The following METTL22 variants were observed in gnomAD, a reference collection of about 807,000 sequenced individuals.
METTL22 encodes the protein methyltransferase-like protein 22.
A neutral mutation model predicts 48.4 loss-of-function variants in METTL22; 51 were observed. The ratio of observed to expected loss-of-function variants is 1.05; its 90% confidence interval spans 0.84 to 1.33. METTL22 has a LOEUF of 1.33. Ranked by LOEUF, METTL22 falls within the 40% of genes most tolerant of loss-of-function variation. The pLI is 0.00. For synonymous variants in METTL22, 255 were observed against 214.1 expected (o/e 1.19, Z -1.67); for missense variants, 678 against 526.9 (o/e 1.29, Z -2.81).
intron 6 of METTL22, among the ~76,000 whole-genome samples, chr16:8,640,274 G>C (rs542947316): frequency 6.6e-6 from 1 of 151,964 alleles, no homozygotes; most frequent in Admixed American, 6.6e-5. Context: ...CCTGACATCC[G>C]CTGTCTGACA....
chr16:8,642,165 T>A lies in METTL22; in HGVS notation c.865T>A (p.Ser289Thr). 1 of 1,613,930 alleles carries A rather than the reference T, an allele frequency of 6.2e-7. No homozygotes were observed. The highest frequency in any genetic ancestry group is 8.5e-7 in the Non-Finnish European group (1 of 1,179,828). Residue 289 changes from serine (S) to threonine (T), a missense_variant, in exon 8 of 11, where the codon TCT becomes ACT. Transcript: ENST00000381920. Reference protein sequence around the residue: ...VPFSWSQEEISDLYDHTTILF... With the variant: ...VPFSWSQEEITDLYDHTTILF... ...CTTCAGTTGGTCACAAGAGGAAATT[T>A]CTGACTTGTACGATCACACCACCAT...
chr16:8,646,007 G>C (rs2056785472), intron 10 of METTL22, 101 bp from the exon 11 acceptor site: 1 of 1,558,622 alleles, frequency 6.4e-7, no homozygotes, highest in Non-Finnish European at 8.7e-7. Flanking sequence ...TGGCTGACGT[G>C]TTGTCTAACT....
At chr16:8,650,845 C>A (rs573829103), downstream of METTL22, among the ~76,000 whole-genome samples, 1 of 151,862 alleles carries the variant, frequency 6.6e-6, no homozygotes, top group South Asian at 2.1e-4. Context: ...GCCAACATGA[C>A]AAAACCCCGT....
chr16:8,634,927 A>C (rs910973078), intron 3 of METTL22, 112 bp from the exon 4 acceptor site: 1 of 1,415,772 alleles, frequency 7.1e-7, no homozygotes, highest in South Asian at 1.2e-5. Flanking sequence ...CCTCATTCCA[A>C]CCTCTGACGC....
At chr16:8,622,078 G>A (rs1443974400) in intron 1 of METTL22, among the ~76,000 whole-genome samples, 1 of 152,228 alleles carries the variant, frequency 6.6e-6, no homozygotes, top group Non-Finnish European at 1.5e-5. Context: ...GGTGGCGTCA[G>A]GAAGGCGACA....
rs755508048 is a variant in METTL22 at position 8,642,216 on chromosome 16, A to G, written c.907+9A>G. 3.2e-5 allele frequency: 52 copies of G among 1,608,056 alleles called. No homozygotes were observed. In the South Asian group the frequency reaches 5.5e-4, roughly 17 times the overall value. Reference sequence around the variant, plus strand: ...CCTGTTTGCAGCCGAAGGTAAGAAAATTTCTCCTTCGCCGTACACGTCCTT... The same window carrying G: ...CCTGTTTGCAGCCGAAGGTAAGAAAGTTTCTCCTTCGCCGTACACGTCCTT... On this transcript the variant is annotated intron_variant, in intron 8 of 10. Transcript: ENST00000381920.
chr16:8,635,110 C>T, intron 4 of METTL22, 31 bp downstream of exon 4: 1 of 1,613,972 alleles, frequency 6.2e-7, no homozygotes, highest in Middle Eastern at 1.7e-4. Context: ...TCCTGTGGCC[C>T]TGATGGGTCC....
Position 8,644,706 on chromosome 16 carries a change from A to T in METTL22, c.1160A>T (p.Tyr387Phe). The change falls in exon 10 of 11, where the codon TAC (tyrosine) becomes TTC (phenylalanine). Residue 387 changes from tyrosine (Y) to phenylalanine (F), a missense_variant. By Grantham distance (22) the Tyr-to-Phe change is conservative. Coordinates refer to ENST00000381920, the MANE Select transcript of METTL22 (RefSeq NM_024109.4). The part of the protein sequence containing the change: ...VEASFPQLLV[Y>F]ERLQQLELWK... ...GCCTCCTTCCCACAGCTCCTGGTTT[A>T]CGAGCGCCTCCAGCAACTGGTAGGT... The T allele has an allele frequency of 6.3e-7, 1 of 1,593,494 alleles. No individual in the cohort carries two copies.
the METTL22 span, among the ~76,000 whole-genome samples, chr16:8,658,942 C>T: frequency 2.0e-5 from 3 of 152,144 alleles, no homozygotes; most frequent in Admixed American, 2.0e-4. Flanking sequence ...CTTAATGCAA[C>T]CCCTCCTCAC....
the METTL22 span, among the ~76,000 whole-genome samples, chr16:8,656,871 C>T: frequency 1.3e-5 from 2 of 152,206 alleles, no homozygotes; most frequent in Non-Finnish European, 2.9e-5. Context: ...CATGATAGCA[C>T]AGCAGAAGGC....
the METTL22 span, among the ~76,000 whole-genome samples, chr16:8,654,674 C>G: frequency 6.6e-6 from 1 of 152,176 alleles, no homozygotes; most frequent in Admixed American, 6.5e-5. Context: ...TAGAAAGACT[C>G]AGAGAAAAGT....
chr16:8,622,213 G>A (rs2055876947), intron 1 of METTL22, among the ~76,000 whole-genome samples: 1 of 152,222 alleles, frequency 6.6e-6, no homozygotes, highest in East Asian at 1.9e-4. Flanking sequence ...GCCCTCCCCA[G>A]CTCCTGGCCT....
At position 8,641,045 on chromosome 16, in the gene METTL22, G is replaced by A. The variant is rs866431116; in HGVS notation, c.773-86G>A. ...GCAAGGGTGGGTGGGTGGATAGATG[G>A]ATCTTCATATATAGTGTAAAAGTTT... On this transcript the variant is annotated intron_variant, in intron 6 of 10. Coordinates refer to ENST00000381920, the MANE Select transcript of METTL22 (RefSeq NM_024109.4). The A allele has an allele frequency of 4.4e-5, 56 of 1,279,434 alleles. No homozygotes were observed. In the African/African-American group the frequency reaches 6.4e-4, roughly 15 times the overall value. The allele number at this position is 1,279,434 out of a possible 1,614,324, so 79.3% of individuals were successfully genotyped here.
intron 5 of METTL22, among the ~76,000 whole-genome samples, chr16:8,638,414 A>G (rs977164840): frequency 8.5e-5 from 13 of 152,310 alleles, no homozygotes; most frequent in African/African-American, 3.1e-4. Flanking sequence ...TTGGTAAAGC[A>G]CTGCTTCTGC....
At chr16:8,644,451 C>T (rs1052355228) in intron 9 of METTL22, 106 bp from the exon 10 acceptor site, 11 of 1,165,082 alleles carry the variant, frequency 9.4e-6, no homozygotes, top group Non-Finnish European at 1.3e-5. Flanking sequence ...AAAGCCCGTC[C>T]AGGGGATATG....
At chr16:8,639,509 C>T (rs1345599712) in intron 6 of METTL22, 1 of 274,358 alleles carries the variant, frequency 3.6e-6, no homozygotes, top group Non-Finnish European at 7.1e-6. Context: ...AGCCAGTCCA[C>T]TTCACTTGCT....
At chr16:8,664,555 G>A in the METTL22 span, among the ~76,000 whole-genome samples, 1 of 152,098 alleles carries the variant, frequency 6.6e-6, no homozygotes, top group Non-Finnish European at 1.5e-5. Flanking sequence ...TCAGGCTCAA[G>A]CAGTGCTCCC....
chr16:8,623,360 TG>T (rs2141671419), intron 1 of METTL22, among the ~76,000 whole-genome samples: 1 of 151,686 alleles, frequency 6.6e-6, no homozygotes, highest in East Asian at 1.9e-4. Flanking sequence ...TGGCATCCTT[TG>T]GTTCACTTTT....
At chr16:8,635,113 A>C in intron 4 of METTL22, 34 bp downstream of exon 4, 1 of 1,613,892 alleles carries the variant, frequency 6.2e-7, no homozygotes, top group Non-Finnish European at 8.5e-7. Context: ...TGTGGCCCTG[A>C]TGGGTCCCTG....
Sources: allele counts gnomAD v4.1 joint callset (sites outside exome capture counted in the v4.1 genomes callset), GRCh38; gene constraint gnomAD v4.1.1; transcripts MANE v1.5; gene names NCBI Gene and HGNC (gene_info 2026-07-23, HGNC 2026-07-21).